BEND3: variants seen among roughly 807,000 people sequenced by gnomAD.
BEND3 encodes BEN domain-containing protein 3.
BEND3 carries 13 observed loss-of-function variants against 60.1 expected under a neutral mutation model. That is an observed-to-expected ratio of 0.22 (90% confidence interval 0.14 to 0.34). BEND3 has a LOEUF of 0.34. Among genes scored for constraint, BEND3 ranks in the 10% least tolerant of loss-of-function variants. BEND3 has a pLI of 1.00. For missense variants in BEND3, 896 were observed against 1,138.1 expected, an observed-to-expected ratio of 0.79 and a Z score of 3.06; for synonymous variants, 497 against 491.5, an observed-to-expected ratio of 1.01 and a Z score of -0.15.
chr6:107,095,012 A>T (rs1775555845), intron 3 of BEND3, among the ~76,000 whole-genome samples: 1 of 151,672 alleles, frequency 6.6e-6, no homozygotes, highest in Admixed American at 6.6e-5. Context: ...TTGTAGAGAC[A>T]AGGTTTTGCC....
rs1774953651 is a variant in BEND3 at position 107,070,601 on chromosome 6, T to A, written c.590A>T (p.Gln197Leu). 2 of 1,612,424 alleles carry A rather than the reference T, an allele frequency of 1.2e-6. No individual in the cohort carries two copies. The highest frequency in any genetic ancestry group is 2.7e-5 in the African/African-American group (2 of 74,876). ...GGTGTTCAGCATGTAGAACATCTTC[T>A]GGATCAGGAAGTAGATGTTGGGGTC... ...DNDPNIYFLI[Q>L]KMFYMLNTLT... is the part of the protein sequence containing the mutation. The change falls in exon 4 of 4, where the codon CAG (glutamine) becomes CTG (leucine). Residue 197 changes from glutamine to leucine, a missense_variant. Gln to Leu is a moderately radical substitution (Grantham distance 113, BLOSUM62 -2). Transcript: ENST00000369042. The surrounding 1 kb of genome is among the most constrained non-coding windows in gnomAD (Gnocchi z 6.9).
chr6:107,100,028 A>C (rs1171710314), intron 1 of BEND3, among the ~76,000 whole-genome samples: 2 of 151,860 alleles, frequency 1.3e-5, no homozygotes, highest in Non-Finnish European at 2.9e-5. Flanking sequence ...ACATGCCGCC[A>C]CCCACAGCTA....
At position 107,098,685 on chromosome 6, in the gene BEND3, A is replaced by T; in HGVS notation, c.106T>A (p.Ser36Thr). The T allele has an allele frequency of 3.1e-6, 5 of 1,614,130 alleles. No homozygotes were observed. Among genetic ancestry groups the T allele is most frequent in the Non-Finnish European group, 4.2e-6 (5 of 1,180,034 alleles). The change falls in exon 3 of 4, where the codon TCC (serine) becomes ACC (threonine). Residue 36 changes from serine (S) to threonine (T), a missense_variant. Around this residue, in one of 4 missense-constraint regions of BEND3, gnomAD observed 846 missense variants for 1,036.7 expected, o/e 0.82. Transcript: ENST00000369042. ...EDAALDCSVN[S>T]RTSEKHSVDS... is the part of the protein sequence containing the mutation. ...ACAGAGTGCTTCTCAGAAGTCCTGG[A>T]ATTCACGGAGCAGTCCAGAGCAGCA...
rs1296069140 is a variant in BEND3 at position 107,070,661 on chromosome 6, C to T, written c.530G>A (p.Arg177Gln). ...GCCTGCCCCGGTGCTGCCACAGTCC[C>T]GCTTCTGTGGCTCATTCAGGAGCCG... ...SLRLLNEPQK[R>Q]DCGSTGAGTD... Residue 177 changes from arginine (R) to glutamine (Q), a missense_variant, in exon 4 of 4, where the codon CGG becomes CAG. By Grantham distance (43) the Arg-to-Gln change is conservative. Transcript: ENST00000369042. This position sits in a 1 kb window ranked among gnomAD's most constrained non-coding sequence, Gnocchi z 6.9. 5.0e-6 allele frequency: 8 copies of T among 1,612,508 alleles called. No homozygotes were observed. The highest frequency in any genetic ancestry group is 1.3e-5 in the African/African-American group (1 of 74,878).
chr6:107,111,712 T>C (rs781835946), intron 1 of BEND3, among the ~76,000 whole-genome samples: 4 of 152,164 alleles, frequency 2.6e-5, no homozygotes, highest in Non-Finnish European at 4.4e-5. Flanking sequence ...CCAGGCGCGA[T>C]GGCTTACACC....
At chr6:107,088,688 G>C (rs1163498863) in intron 3 of BEND3, among the ~76,000 whole-genome samples, 1 of 152,132 alleles carries the variant, frequency 6.6e-6, no homozygotes, top group Non-Finnish European at 1.5e-5. Flanking sequence ...AGCAAGGAAG[G>C]GGACTGACAA....
At chr6:107,099,117 C>G in intron 2 of BEND3, 132 bp downstream of exon 2, 1 of 715,730 alleles carries the variant, frequency 1.4e-6, no homozygotes, top group Non-Finnish European at 2.4e-6. Context: ...GGATGGGAAC[C>G]GGGGAACAAG....
At chr6:107,095,354 C>T (rs1279943430) in intron 3 of BEND3, among the ~76,000 whole-genome samples, 1 of 151,894 alleles carries the variant, frequency 6.6e-6, no homozygotes, top group South Asian at 2.1e-4. Context: ...TTAAACTAAA[C>T]AAAGAAAAAA....
rs369684129 is a variant in BEND3, at chr6:107,070,275, G to C, written c.916C>G (p.Leu306Val). ...KRKLESLHLQ[L>V]IRNYVEVYYP... The stretch of plus-strand genomic sequence containing the variant: ...TAGACCTCCACATAGTTGCGGATGA[G>C]CTGCAGGTGCAGCGACTCCAGCTTG... Residue 306 changes from leucine to valine, a missense_variant, in exon 4 of 4, where the codon CTC becomes GTC. This residue lies in a region of BEND3 where 846 missense variants were observed against 1,036.7 expected (regional missense o/e 0.82). Coordinates refer to ENST00000369042, the MANE Select transcript of BEND3 (RefSeq NM_001367314.1). The surrounding 1 kb of genome is among the most constrained non-coding windows in gnomAD (Gnocchi z 6.9). 21 of 1,613,028 alleles carry C rather than the reference G, an allele frequency of 1.3e-5. No homozygotes were observed. Among genetic ancestry groups the C allele is most frequent in the Non-Finnish European group, 1.8e-5 (21 of 1,180,014 alleles).
In BEND3 at chr6:107,068,276, A is replaced by G. The variant is rs1167394288; in HGVS notation, c.*428T>C. On this transcript the variant is annotated 3_prime_UTR_variant, in exon 4 of 4. Transcript: ENST00000369042. The surrounding 1 kb of genome is among the most constrained non-coding windows in gnomAD (Gnocchi z 5.8). ...AGTAAAATGGCCCCCAAAGAGCCCA[A>G]TGATTTTTTTTAAGGGTTTCTTTTT... The G allele has an allele frequency of 2.5e-5, 4 of 156,986 alleles. No individual in the cohort carries two copies. Among genetic ancestry groups the G allele is most frequent in the African/African-American group, 7.2e-5 (3 of 41,692 alleles). The allele number at this position is 156,986 out of a possible 1,614,324, so 9.7% of individuals were successfully genotyped here.
intron 3 of BEND3, among the ~76,000 whole-genome samples, chr6:107,090,204 C>T (rs1775445350): frequency 2.0e-5 from 3 of 152,018 alleles, no homozygotes; most frequent in Admixed American, 2.0e-4. Flanking sequence ...CAAAACTTAG[C>T]TGGGTGTGGT....
chr6:107,088,007 C>CCTTT (rs1554234567), intron 3 of BEND3, among the ~76,000 whole-genome samples: 1 of 130,324 alleles, frequency 7.7e-6, no homozygotes, highest in African/African-American at 2.9e-5. Context: ...ATGAAGAGCC[C>CCTTT]TTTTTTTTTT....
Position 107,115,410 on chromosome 6 carries a change from C to T in BEND3, c.-332G>A, listed in dbSNP as rs1161204455. The T allele has an allele frequency of 6.7e-6, 1 of 148,892 alleles. No individual in the cohort carries two copies. Among genetic ancestry groups the T allele is most frequent in the Non-Finnish European group, 1.5e-5 (1 of 66,914 alleles). The allele number at this position is 148,892 out of a possible 1,614,324, so 9.2% of individuals were successfully genotyped here. A position where few individuals can be genotyped will look rare whatever the true frequency, so the allele number is the denominator to read the frequency against. ...CCCGCCCCTCCCCCTCAGCGGGGCACACGCGGGACCGGCGGCGGCGGCGCT... is the reference window on the plus strand; with the variant it reads ...CCCGCCCCTCCCCCTCAGCGGGGCATACGCGGGACCGGCGGCGGCGGCGCT... On this transcript the variant is annotated 5_prime_UTR_variant, in exon 1 of 4. The change creates a new upstream start codon in the 5' untranslated region. Coordinates refer to ENST00000369042, the MANE Select transcript of BEND3 (RefSeq NM_001367314.1).
At chr6:107,110,545 AT>A (rs1320381023) in intron 1 of BEND3, among the ~76,000 whole-genome samples, 1 of 152,028 alleles carries the variant, frequency 6.6e-6, no homozygotes, top group Non-Finnish European at 1.5e-5. Flanking sequence ...TTTTTAGCAC[AT>A]TTTTTTGTGT....
chr6:107,113,297 A>T (rs1769848014), intron 1 of BEND3, among the ~76,000 whole-genome samples: 2 of 151,120 alleles, frequency 1.3e-5, no homozygotes, highest in Non-Finnish European at 2.9e-5. Context: ...TTAGCAAGGC[A>T]TGGTGGCACA....
intron 1 of BEND3, among the ~76,000 whole-genome samples, chr6:107,101,127 G>A (rs528538064): frequency 7.2e-5 from 11 of 152,232 alleles, no homozygotes; most frequent in South Asian, 6.2e-4. Flanking sequence ...GCTTGAACCC[G>A]GGAGGCAGAG....
At chr6:107,103,948 CAA>C (rs781876027) in intron 1 of BEND3, among the ~76,000 whole-genome samples, 4 of 92,834 alleles carry the variant, frequency 4.3e-5, no homozygotes, top group South Asian at 3.4e-4. Flanking sequence ...AACTCCGTCT[CAA>C]AAAAAAAAAA....
chr6:107,102,986 T>C (rs1174661234), intron 1 of BEND3, among the ~76,000 whole-genome samples: 12 of 152,148 alleles, frequency 7.9e-5, no homozygotes, highest in African/African-American at 2.9e-4. Flanking sequence ...GAGGAAATAA[T>C]AGAGTCTTCA....
chr6:107,109,454 A>AAAAAAAAAAAAAAAAAAAC (rs1775894012), intron 1 of BEND3, among the ~76,000 whole-genome samples: 1 of 148,616 alleles, frequency 6.7e-6, no homozygotes. Flanking sequence ...AAAAAAAAAA[A>AAAAAAAAAAAAAAAAAAAC]AAAATCGAGG....
Sources: gnomAD v4.1 joint callset for allele counts (sites outside exome capture counted in the v4.1 genomes callset) on GRCh38, gnomAD v4.1.1 for gene constraint, gnomAD v4.1.1 regional missense constraint, Gnocchi (gnomAD v3.1) non-coding constraint, MANE v1.5 for transcripts, NCBI Gene and HGNC (gene_info 2026-07-23, HGNC 2026-07-21) for gene names.